The following TRIM42 variants were observed in gnomAD, a reference collection of about 807,000 sequenced individuals.
The protein encoded by TRIM42 is tripartite motif containing 42, also known as tripartite motif-containing protein 42.
A neutral mutation model predicts 64.9 loss-of-function variants in TRIM42; 59 were observed. That is an observed-to-expected ratio of 0.91 (90% CI 0.74 to 1.13). TRIM42 has a LOEUF of 1.13. Ranked by LOEUF, TRIM42 falls within the 50% of genes most tolerant of loss-of-function variation. The pLI is 0.00. For synonymous variants in TRIM42, 354 were observed against 346.3 expected, an observed-to-expected ratio of 1.02 and a Z score of -0.25; for missense variants, 878 against 929.5, an observed-to-expected ratio of 0.94 and a Z score of 0.72.
chr3:140,679,465 A>G (rs1011397678), intron 1 of TRIM42, among the ~76,000 whole-genome samples: 2 of 152,226 alleles, frequency 1.3e-5, no homozygotes, highest in African/African-American at 4.8e-5. Flanking sequence ...TAGAAGAGGC[A>G]GAAAAATGGA....
chr3:140,678,225 G>T lies in TRIM42; in HGVS notation c.-5G>T. The T allele has an allele frequency of 1.2e-6, 2 of 1,611,538 alleles. No individual in the cohort carries two copies. The highest frequency in any genetic ancestry group is 1.7e-6 in the Non-Finnish European group (2 of 1,177,936). On this transcript the variant is annotated 5_prime_UTR_variant, in exon 1 of 5. Coordinates refer to ENST00000286349, the MANE Select transcript of TRIM42 (RefSeq NM_152616.5). ...TGGGAGGCCGGTGGTAATCATGTAG[G>T]CACCATGGAAACTGCTATGTGCGTT...
chr3:140,700,016 A>T (rs539477166), intron 4 of TRIM42, among the ~76,000 whole-genome samples: 1 of 152,180 alleles, frequency 6.6e-6, no homozygotes, highest in East Asian at 1.9e-4. Flanking sequence ...CCCCCATTCT[A>T]TCTCAAGTCC....
intron 4 of TRIM42, among the ~76,000 whole-genome samples, chr3:140,698,647 T>G (rs2107769122): frequency 1.3e-5 from 2 of 152,314 alleles, no homozygotes; most frequent in Middle Eastern, 6.8e-3. Flanking sequence ...CTGTTGATAT[T>G]ATGAAAGTTA....
chr3:140,681,280 G>T (rs180774205), intron 1 of TRIM42, among the ~76,000 whole-genome samples: 1 of 152,302 alleles, frequency 6.6e-6, no homozygotes, highest in Non-Finnish European at 1.5e-5. Context: ...GCAGACATTA[G>T]CTGGCTAGTA....
chr3:140,683,223 T>C (rs1197802294), intron 2 of TRIM42, 64 bp downstream of exon 2: 1 of 1,539,662 alleles, frequency 6.5e-7, no homozygotes, highest in African/African-American at 1.4e-5. Flanking sequence ...GAAGATGGCG[T>C]GGGGTAATCT....
rs148437702 is a variant in TRIM42 at position 140,688,389 on chromosome 3, C to T, written c.1707C>T (p.Asp569=). The T allele has an allele frequency of 1.3e-4, 204 of 1,614,168 alleles. No homozygotes were observed. Among genetic ancestry groups the T allele is most frequent in the Non-Finnish European group, 1.5e-4 (181 of 1,180,016 alleles). The change falls in exon 3 of 5, where the codon GAC becomes GAT. Residue 569 remains aspartate, a synonymous_variant. Coordinates refer to ENST00000286349, the MANE Select transcript of TRIM42 (RefSeq NM_152616.5). ...CAGCCACCCCCGCCAAACCCACAGA[C>T]GGCCTCTACACCTACTGGAGTGCTG... ...AQSATPAKPT[D]GLYTYWSAGA... is the part of the protein sequence containing the mutation.
At chr3:140,700,460 C>T (rs758466755) in intron 4 of TRIM42, among the ~76,000 whole-genome samples, 1 of 151,978 alleles carries the variant, frequency 6.6e-6, no homozygotes, top group Non-Finnish European at 1.5e-5. Flanking sequence ...CCCCACACCC[C>T]AATCAAGGTG....
intron 4 of TRIM42, among the ~76,000 whole-genome samples, chr3:140,692,830 T>C (rs759388750): frequency 3.9e-4 from 59 of 152,262 alleles, no homozygotes; most frequent in Non-Finnish European, 7.9e-4. Context: ...TCCTCAAAAC[T>C]GTCTTGCCCA....
intron 4 of TRIM42, among the ~76,000 whole-genome samples, chr3:140,693,568 T>C (rs1988775624): frequency 6.6e-6 from 1 of 152,364 alleles, no homozygotes; most frequent in Admixed American, 6.5e-5. Flanking sequence ...ATGACATTTA[T>C]AAAGTTTCAT....
chr3:140,684,117 C>A (rs1459982482), intron 2 of TRIM42, among the ~76,000 whole-genome samples: 1 of 152,118 alleles, frequency 6.6e-6, no homozygotes, highest in Non-Finnish European at 1.5e-5. Flanking sequence ...TTTACTCAGG[C>A]CTGTGGAGCA....
In TRIM42 at chr3:140,682,748, C is replaced by T; in HGVS notation, c.628C>T (p.Leu210=). The T allele has an allele frequency of 9.9e-6, 16 of 1,613,082 alleles. No homozygotes were observed. Among genetic ancestry groups the T allele is most frequent in the Non-Finnish European group, 1.4e-5 (16 of 1,180,036 alleles). The change falls in exon 2 of 5, where the codon CTG becomes TTG. Residue 210 remains leucine, a synonymous_variant. Coordinates refer to ENST00000286349, the MANE Select transcript of TRIM42 (RefSeq NM_152616.5). ...CAAGATGCAGCTGCCCGAGAACTAC[C>T]TGCACGGGCGTCTCACCAAGCGCTA... ...SNKMQLPENY[L]HGRLTKRYMQ... is the part of the protein sequence containing the mutation.
intron 2 of TRIM42, 27 bp downstream of exon 2, chr3:140,683,186 C>T: frequency 5.6e-6 from 9 of 1,609,662 alleles, no homozygotes; most frequent in Non-Finnish European, 7.7e-6. Context: ...CTCCTTCAGC[C>T]TAACTTCTAG....
chr3:140,678,197 T>G lies in TRIM42; in HGVS notation c.-33T>G. 6.3e-7 allele frequency: 1 copy of G among 1,581,914 alleles called. No individual in the cohort carries two copies. The highest frequency in any genetic ancestry group is 1.1e-5 in the South Asian group (1 of 87,910). The stretch of plus-strand genomic sequence containing the variant: ...ATTCTGGTAGAGGAGGCATCAAGAG[T>G]CCTGGGAGGCCGGTGGTAATCATGT... On this transcript the variant is annotated 5_prime_UTR_variant, in exon 1 of 5. Coordinates refer to ENST00000286349, the MANE Select transcript of TRIM42 (RefSeq NM_152616.5).
chr3:140,689,287 T>G (rs1988647064), intron 3 of TRIM42, among the ~76,000 whole-genome samples: 1 of 152,244 alleles, frequency 6.6e-6, no homozygotes, highest in Non-Finnish European at 1.5e-5. Flanking sequence ...AAAATTAACA[T>G]GCAACTAAAT....
chr3:140,684,904 C>T (rs1213430501), intron 2 of TRIM42, among the ~76,000 whole-genome samples: 2 of 152,082 alleles, frequency 1.3e-5, no homozygotes, highest in Non-Finnish European at 2.9e-5. Flanking sequence ...GTCCTTAATA[C>T]AGGAGAAACT....
At chr3:140,692,398 C>T (rs1988740309) in intron 4 of TRIM42, among the ~76,000 whole-genome samples, 3 of 152,022 alleles carry the variant, frequency 2.0e-5, no homozygotes, top group Admixed American at 2.0e-4. Context: ...AAAGGCAAAG[C>T]AGGAGTAAGG....
At chr3:140,692,702 T>C (rs1988753830) in intron 4 of TRIM42, among the ~76,000 whole-genome samples, 1 of 152,088 alleles carries the variant, frequency 6.6e-6, no homozygotes, top group Admixed American at 6.6e-5. Flanking sequence ...CCCTTCTCAT[T>C]CTTGATACCC....
intron 1 of TRIM42, among the ~76,000 whole-genome samples, chr3:140,679,943 A>G (rs1036508248): frequency 6.9e-6 from 1 of 144,932 alleles, no homozygotes; most frequent in Non-Finnish European, 1.5e-5. Context: ...AATTAGAATC[A>G]ACCCCCCCAC....
rs1257240562 is a variant in TRIM42, at chr3:140,683,128, A to G, written c.1008A>G (p.Ser336=). Residue 336 remains serine (S), a synonymous_variant, in exon 2 of 5, where the codon TCA becomes TCG. Coordinates refer to ENST00000286349, the MANE Select transcript of TRIM42 (RefSeq NM_152616.5). ...ACGCCTGCTCCGAGAGGGCCGCCTC[A>G]CTCTTCAGCGCCATCGCCAAGTTCA... ...LIDACSERAA[S]LFSAIAKFKA... is the part of the protein sequence containing the mutation. 1 of 1,613,718 alleles carries G rather than the reference A, an allele frequency of 6.2e-7. No individual in the cohort carries two copies. Among genetic ancestry groups the G allele is most frequent in the African/African-American group, 1.3e-5 (1 of 74,790 alleles).
Sources: allele counts gnomAD v4.1 joint callset (sites outside exome capture counted in the v4.1 genomes callset), GRCh38; gene constraint gnomAD v4.1.1; transcripts MANE v1.5; gene names NCBI Gene and HGNC (gene_info 2026-07-23, HGNC 2026-07-21).